The following ST6GAL1 variants were observed in gnomAD, a reference collection of about 807,000 sequenced individuals.
ST6GAL1 encodes beta-galactoside alpha-2,6-sialyltransferase 1.
ST6GAL1 carries 20 observed loss-of-function variants against 38.0 expected under a neutral mutation model. The observed-to-expected ratio is 0.53, with a 90% CI of 0.37 to 0.77. The LOEUF (loss-of-function observed/expected upper bound fraction) is 0.77, where lower values mean the gene tolerates loss of function less well. Among genes scored for constraint, ST6GAL1 ranks in the 30% least tolerant of loss-of-function variants. The probability of loss-of-function intolerance (pLI) is 0.00; values close to 1 mark genes in which losing one functional copy is unlikely to be tolerated. For missense variants in ST6GAL1, 432 were observed against 496.4 expected (o/e 0.87, Z 1.23); for synonymous variants, 196 against 188.2 (o/e 1.04, Z -0.34).
chr3:186,991,938 G>T (rs1716185235), intron 2 of ST6GAL1, among the ~76,000 whole-genome samples: 1 of 152,036 alleles, frequency 6.6e-6, no homozygotes, highest in Non-Finnish European at 1.5e-5. Flanking sequence ...TCATCTCTGG[G>T]GTTATCTCCA....
At chr3:187,011,116 A>G (rs1027243155) in intron 2 of ST6GAL1, among the ~76,000 whole-genome samples, 1 of 152,182 alleles carries the variant, frequency 6.6e-6, no homozygotes, top group African/African-American at 2.4e-5. Context: ...CGCTTGCCTC[A>G]GCCTCCTGAG....
chr3:187,001,016 C>CA (rs1249923796), intron 2 of ST6GAL1, among the ~76,000 whole-genome samples: 1 of 152,180 alleles, frequency 6.6e-6, no homozygotes, highest in East Asian at 1.9e-4. Flanking sequence ...CCATTGTTGG[C>CA]AGAAAGGTGC....
chr3:187,047,472 C>G (rs1718339573), intron 4 of ST6GAL1, among the ~76,000 whole-genome samples: 1 of 152,130 alleles, frequency 6.6e-6, no homozygotes, highest in East Asian at 1.9e-4. Context: ...TATGAATTTA[C>G]TAACTTGAGC....
chr3:187,058,365 C>G (rs11929282), intron 5 of ST6GAL1, among the ~76,000 whole-genome samples: 1 of 151,974 alleles, frequency 6.6e-6, no homozygotes, highest in South Asian at 2.1e-4. Flanking sequence ...AGAAATCACC[C>G]GTCTTGTTTG....
chr3:187,009,562 C>A (rs1036652739), intron 2 of ST6GAL1, among the ~76,000 whole-genome samples: 1 of 152,164 alleles, frequency 6.6e-6, no homozygotes, highest in Non-Finnish European at 1.5e-5. Context: ...AGCCCAGGAG[C>A]TCAAGGCTGC....
intron 2 of ST6GAL1, among the ~76,000 whole-genome samples, chr3:187,028,150 C>T (rs1438168677): frequency 6.6e-6 from 1 of 152,034 alleles, no homozygotes; most frequent in Non-Finnish European, 1.5e-5. Flanking sequence ...AGGAGTTTTA[C>T]TGTAAAGGAA....
intron 1 of ST6GAL1, chr3:186,948,770 C>T (rs1018971983): frequency 4.6e-5 from 7 of 152,448 alleles, no homozygotes; most frequent in Non-Finnish European, 7.3e-5. Flanking sequence ...ATCTCTTGTG[C>T]CATGCTCACT....
chr3:187,061,034 C>T (rs1718897799), intron 5 of ST6GAL1, among the ~76,000 whole-genome samples: 1 of 151,998 alleles, frequency 6.6e-6, no homozygotes, highest in African/African-American at 2.4e-5. Flanking sequence ...GATCCGAAGT[C>T]AACACCCAAA....
At chr3:186,936,239 G>T (rs1579250097) in intron 1 of ST6GAL1, among the ~76,000 whole-genome samples, 1 of 152,306 alleles carries the variant, frequency 6.6e-6, no homozygotes, top group South Asian at 2.1e-4. Context: ...AAGAGGGAAG[G>T]CTTCAGAGAA....
chr3:186,938,894 T>C (rs1267562054), intron 1 of ST6GAL1, among the ~76,000 whole-genome samples: 3 of 152,238 alleles, frequency 2.0e-5, no homozygotes, highest in Admixed American at 2.0e-4. Context: ...TGATACATAT[T>C]TGAGGCACTG....
chr3:186,968,584 C>T (rs1197202924), intron 2 of ST6GAL1, among the ~76,000 whole-genome samples: 1 of 152,154 alleles, frequency 6.6e-6, no homozygotes, highest in Non-Finnish European at 1.5e-5. Context: ...CTTTCTCACA[C>T]TATAGGTTCG....
chr3:186,941,944 C>G (rs183380930), intron 1 of ST6GAL1, among the ~76,000 whole-genome samples: 4 of 151,456 alleles, frequency 2.6e-5, no homozygotes, highest in Admixed American at 1.3e-4. Context: ...CCCAGGAGGC[C>G]GAGCTTGCAG....
At chr3:187,036,486 A>G (rs969048969) in intron 2 of ST6GAL1, among the ~76,000 whole-genome samples, 7 of 152,340 alleles carry the variant, frequency 4.6e-5, no homozygotes, top group African/African-American at 1.7e-4. Flanking sequence ...ATAGCAAAGA[A>G]TGGAATCAGC....
intron 2 of ST6GAL1, among the ~76,000 whole-genome samples, chr3:187,035,630 G>A (rs1292147242): frequency 6.6e-6 from 1 of 151,994 alleles, no homozygotes; most frequent in Admixed American, 6.6e-5. Context: ...CTTTAACACA[G>A]TCAACAAAAA....
intron 2 of ST6GAL1, among the ~76,000 whole-genome samples, chr3:187,004,117 C>T (rs1024513187): frequency 6.6e-6 from 1 of 152,182 alleles, no homozygotes; most frequent in Non-Finnish European, 1.5e-5. Flanking sequence ...GCACCTTCCC[C>T]ACCACTGCCT....
intron 2 of ST6GAL1, among the ~76,000 whole-genome samples, chr3:187,009,045 C>G (rs2108557428): frequency 6.6e-6 from 1 of 152,062 alleles, no homozygotes; most frequent in African/African-American, 2.4e-5. Context: ...ATTTTTAATG[C>G]TTTGATTCTA....
chr3:187,066,013 C>G (rs548624613), intron 5 of ST6GAL1, among the ~76,000 whole-genome samples: 26 of 151,838 alleles, frequency 1.7e-4, no homozygotes, highest in Non-Finnish European at 3.2e-4. Flanking sequence ...ATCACCAAAG[C>G]TTTCTGGAAG....
intron 2 of ST6GAL1, among the ~76,000 whole-genome samples, chr3:187,034,404 A>G (rs1044922982): frequency 3.9e-5 from 6 of 152,216 alleles, no homozygotes; most frequent in Non-Finnish European, 7.3e-5. Flanking sequence ...AACTCATTCT[A>G]TGAAGCCAGC....
At chr3:186,944,325 C>G (rs540359398) in intron 1 of ST6GAL1, among the ~76,000 whole-genome samples, 1 of 152,132 alleles carries the variant, frequency 6.6e-6, no homozygotes, top group Non-Finnish European at 1.5e-5. Flanking sequence ...TGAGCTGTCC[C>G]TTTAAGGATG....
Sources: gnomAD v4.1 joint callset for allele counts (sites outside exome capture counted in the v4.1 genomes callset) on GRCh38, gnomAD v4.1.1 for gene constraint, MANE v1.5 for transcripts, NCBI Gene and HGNC (gene_info 2026-07-23, HGNC 2026-07-21) for gene names.